Variants in VWF observed in about 807,000 individuals in gnomAD.
VWF encodes the protein von Willebrand factor, also known as Factor VIII related antigen.
Under a neutral mutation model 308.6 loss-of-function variants are expected in VWF, and 176 were observed. The ratio of observed to expected loss-of-function variants is 0.57; its 90% CI spans 0.50 to 0.65. The LOEUF (loss-of-function observed/expected upper bound fraction) is 0.65, where lower values mean the gene tolerates loss of function less well. Ranked by LOEUF, VWF falls within the 30% of genes least tolerant of loss-of-function variation. VWF has a pLI of 0.00. For synonymous variants in VWF, 1,385 were observed against 1,443.4 expected (o/e 0.96, Z 0.92); for missense variants, 3,146 against 3,648.2 (o/e 0.86, Z 3.55).
chr12:5,961,707 T>TA lies in VWF; in HGVS notation c.7887+5778dup, dbSNP rs765143679. Among the ~76,000 whole-genome samples the TA allele has an allele frequency of 3.7e-4, 56 of 151,580 alleles. 1 individual carries two copies. Among genetic ancestry groups the TA allele is most frequent in the Middle Eastern group, 3.4e-3 (1 of 294 alleles). On this transcript the variant is annotated intron_variant, in intron 47 of 51. Transcript: ENST00000261405. ...AAAGCAACAAACAAAACATAAAATT[T>TA]AAAAAAAACTTCCATTTGCAATATC...
At chr12:6,009,704 T>C (rs556582391) in intron 34 of VWF, among the ~76,000 whole-genome samples, 19 of 152,250 alleles carry the variant, frequency 1.2e-4, no homozygotes, top group African/African-American at 4.1e-4. Flanking sequence ...TTATTCACAA[T>C]AGCCAAGAGT....
At position 6,016,387 on chromosome 12, in the gene VWF, C is replaced by A. The variant is rs188457265; in HGVS notation, c.5311+129G>T. The A allele has an allele frequency of 7.8e-6, 11 of 1,412,124 alleles. No individual in the cohort carries two copies. In the East Asian group the frequency reaches 2.0e-4, roughly 25 times the overall value. 87.5% of individuals were successfully genotyped at this position (1,412,124 alleles called of 1,614,324 possible). A position where few individuals can be genotyped will look rare whatever the true frequency, so the allele number is the denominator to read the frequency against. On this transcript the variant is annotated intron_variant, in intron 30 of 51. Coordinates refer to ENST00000261405, the MANE Select transcript of VWF (RefSeq NM_000552.5). Reference sequence around the variant, plus strand: ...TGGAGAGACGTGGAAGAGCATCTAGCCCCTCACTTTCCAGGAGAAGAAACT... The same window carrying A: ...TGGAGAGACGTGGAAGAGCATCTAGACCCTCACTTTCCAGGAGAAGAAACT...
In VWF at chr12:6,044,294, G is replaced by GC. The variant is rs758895722; in HGVS notation, c.2438dup (p.Met814HisfsTer5). 50 of 1,613,952 alleles carry GC rather than the reference G, an allele frequency of 3.1e-5. No individual in the cohort carries two copies. The highest frequency in any genetic ancestry group is 4.1e-5 in the Non-Finnish European group (48 of 1,180,004). On this transcript the variant is annotated frameshift_variant, in exon 18 of 52. Transcript: ENST00000261405. LOFTEE classifies it high-confidence loss of function. ...AGCTCTGTGCCTGGTGACTCACCAT[G>GC]CCCGGGGGGCAGAGGCAGCCAGAGA...
chr12:6,122,301 A>G (rs1319923906), intron 2 of VWF, among the ~76,000 whole-genome samples: 4 of 152,216 alleles, frequency 2.6e-5, no homozygotes, highest in African/African-American at 7.2e-5. Flanking sequence ...ATCTTTGTAC[A>G]TAAATCTACT....
At chr12:5,997,493 C>G (rs1391024104) in intron 34 of VWF, among the ~76,000 whole-genome samples, 1 of 152,214 alleles carries the variant, frequency 6.6e-6, no homozygotes, top group Admixed American at 6.5e-5. Flanking sequence ...TTCTGTTTCA[C>G]TTGCTTGCAC....
In VWF at chr12:6,064,398, A is replaced by G. The variant is rs774699057; in HGVS notation, c.1294-14T>C. 2 of 1,613,774 alleles carry G rather than the reference A, an allele frequency of 1.2e-6. No homozygotes were observed. Among genetic ancestry groups the G allele is most frequent in the African/African-American group, 2.7e-5 (2 of 74,932 alleles). The stretch of plus-strand genomic sequence containing the variant: ...GTCATCAGCACACTGCCAAGAGGGA[A>G]CACAGGGTGACTTTGCTGCACCCCC... On this transcript the variant is annotated splice_polypyrimidine_tract_variant and intron_variant, in intron 11 of 51. Coordinates refer to ENST00000261405, the MANE Select transcript of VWF (RefSeq NM_000552.5).
intron 6 of VWF, among the ~76,000 whole-genome samples, chr12:6,094,930 C>A (rs2136499431): frequency 7.2e-6 from 1 of 138,002 alleles, no homozygotes; most frequent in South Asian, 2.3e-4. Context: ...GTCGCCCAGG[C>A]TGGAGTGCTA....
At chr12:6,021,720 C>G (rs1480007021) in intron 27 of VWF, among the ~76,000 whole-genome samples, 180 bp downstream of exon 27, 3 of 152,020 alleles carry the variant, frequency 2.0e-5, no homozygotes, top group Non-Finnish European at 4.4e-5. Context: ...GAAGCAAACC[C>G]TAGGAACAAA....
intron 38 of VWF, among the ~76,000 whole-genome samples, chr12:5,987,564 C>T (rs1191821337): frequency 6.6e-6 from 1 of 152,146 alleles, no homozygotes; most frequent in Non-Finnish European, 1.5e-5. Flanking sequence ...CCTCGAATGG[C>T]TGACAGTCAG....
Position 6,019,704 on chromosome 12 carries a change from C to A in VWF, c.3714G>T (p.Gln1238His). Residue 1238 changes from glutamine (Q) to histidine (H), a missense_variant, in exon 28 of 52, where the codon CAG (glutamine) becomes CAT (histidine). Physicochemically the swap from Gln to His is conservative, Grantham distance 24 (BLOSUM62 0). Around this residue, in one of 3 missense-constraint regions of VWF, gnomAD observed 853 missense variants for 1,177.8 expected, o/e 0.72. Coordinates refer to ENST00000261405, the MANE Select transcript of VWF (RefSeq NM_000552.5). The surrounding 1 kb of genome is among the most constrained non-coding windows in gnomAD (Gnocchi z 5.8). ...DVVNLTCEAC[Q>H]EPGGLVVPPT... ...GAGGCACCACCAGGCCTCCCGGCTC[C>A]TGGCAGGCTTCACAGGTGAGGTTGA... The A allele has an allele frequency of 6.2e-7, 1 of 1,613,794 alleles. No homozygotes were observed. Among genetic ancestry groups the A allele is most frequent in the East Asian group, 2.2e-5 (1 of 44,884 alleles).
chr12:6,026,211 C>G (rs898278919), intron 22 of VWF, among the ~76,000 whole-genome samples, 165 bp from the exon 23 acceptor site: 6 of 152,120 alleles, frequency 3.9e-5, no homozygotes, highest in African/African-American at 1.4e-4. Context: ...AGCAGCAAAG[C>G]CTTGCCATTG....
chr12:5,952,022 T>C, intron 49 of VWF, 139 bp from the exon 50 acceptor site: 1 of 874,392 alleles, frequency 1.1e-6, no homozygotes, highest in Non-Finnish European at 1.9e-6. Flanking sequence ...TTTCCTATCA[T>C]AAATGTGAGC....
In VWF at chr12:5,994,633, C is replaced by T. The variant is rs369111801; in HGVS notation, c.6064-26G>A. 65 of 1,611,158 alleles carry T rather than the reference C, an allele frequency of 4.0e-5. No individual in the cohort carries two copies. In the African/African-American group the frequency reaches 4.8e-4, roughly 12 times the overall value. Reference sequence around the variant, plus strand: ...CTGCACAAAGAAGAAAGAGCTCATCCGTAGTCCTAGCAATGAGGAATCCTA... The same window carrying T: ...CTGCACAAAGAAGAAAGAGCTCATCTGTAGTCCTAGCAATGAGGAATCCTA... On this transcript the variant is annotated intron_variant, in intron 35 of 51. Coordinates refer to ENST00000261405, the MANE Select transcript of VWF (RefSeq NM_000552.5).
At position 5,971,567 on chromosome 12, in the gene VWF, C is replaced by T. The variant is rs377334563; in HGVS notation, c.7548+32G>A. ...TGGTCCCTGGAGTGGCCCCAATCTG[C>T]CCTCCTCCCCGTCCCGGGGGCCTGG... On this transcript the variant is annotated intron_variant, in intron 44 of 51. Coordinates refer to ENST00000261405, the MANE Select transcript of VWF (RefSeq NM_000552.5). The T allele has an allele frequency of 3.8e-6, 6 of 1,583,304 alleles. No individual in the cohort carries two copies. The East Asian group carries it at 1.3e-4, about 35-fold the overall frequency.
intron 5 of VWF, among the ~76,000 whole-genome samples, chr12:6,099,181 G>A (rs527720671): frequency 2.0e-4 from 30 of 152,022 alleles, no homozygotes; most frequent in Admixed American, 1.0e-3. Context: ...TTAGCCAGGC[G>A]TGGGGGTGGA....
chr12:5,974,807 A>G (rs1291982688), intron 43 of VWF, among the ~76,000 whole-genome samples: 1 of 152,214 alleles, frequency 6.6e-6, no homozygotes, highest in Admixed American at 6.5e-5. Context: ...CTGTAGGACC[A>G]CGGTGCCCAC....
At chr12:5,979,283 C>T (rs752756324) in intron 42 of VWF, among the ~76,000 whole-genome samples, 2 of 152,190 alleles carry the variant, frequency 1.3e-5, no homozygotes, top group Non-Finnish European at 2.9e-5. Context: ...TTAATAAATG[C>T]AATCAGTATG....
In VWF at chr12:6,021,952, A is replaced by G. The variant is rs768331524; in HGVS notation, c.3622T>C (p.Ser1208Pro). ...GGATTCAAGGTGACTTTCTTTCCTG[A>G]GGCAAAACGCCGGCCAGCCACCTCA... is the stretch of plus-strand genomic sequence containing the variant. ...VCEVAGRRFA[S>P]GKKVTLNPSD... Residue 1208 changes from serine to proline, a missense_variant, in exon 27 of 52, where the codon TCA (serine) becomes CCA (proline). Coordinates refer to ENST00000261405, the MANE Select transcript of VWF (RefSeq NM_000552.5). The G allele has an allele frequency of 5.0e-6, 8 of 1,614,176 alleles. No homozygotes were observed. The Admixed American group carries it at 6.7e-5, about 13-fold the overall frequency.
In VWF at chr12:5,976,104, C is replaced by G; in HGVS notation, c.7437+7G>C. The stretch of plus-strand genomic sequence containing the variant: ...CTGCAGGCATGCCCAGCCCCTGCCC[C>G]ACTCACCGACCGACAGCTGTCCTCA... On this transcript the variant is annotated splice_region_variant and intron_variant, in intron 43 of 51. Transcript: ENST00000261405. The G allele has an allele frequency of 6.2e-7, 1 of 1,613,688 alleles. No individual in the cohort carries two copies. The highest frequency in any genetic ancestry group is 1.1e-5 in the South Asian group (1 of 91,066).
Sources: allele counts gnomAD v4.1 joint callset (sites outside exome capture counted in the v4.1 genomes callset), GRCh38; gene constraint gnomAD v4.1.1; regional missense constraint gnomAD v4.1.1; non-coding constraint Gnocchi (gnomAD v3.1); transcripts MANE v1.5; gene names NCBI Gene and HGNC (gene_info 2026-07-23, HGNC 2026-07-21).